The following SNX8 variants were observed in gnomAD, a reference collection of about 807,000 sequenced individuals.
The protein encoded by SNX8 is sorting nexin-8.
Under a neutral mutation model 51.6 loss-of-function variants are expected in SNX8, and 25 were observed. The observed-to-expected ratio is 0.48, with a 90% CI of 0.35 to 0.68. SNX8 has a LOEUF of 0.68. SNX8 is among the 30% of genes least tolerant of loss of function. The pLI is 0.00. For missense variants in SNX8, 695 were observed against 624.0 expected, an observed-to-expected ratio of 1.11 and a Z score of -1.21; for synonymous variants, 324 against 277.0, an observed-to-expected ratio of 1.17 and a Z score of -1.68.
At chr7:2,295,377 C>T (rs1230249134) in intron 1 of SNX8, among the ~76,000 whole-genome samples, 2 of 138,024 alleles carry the variant, frequency 1.4e-5, no homozygotes, top group African/African-American at 2.7e-5. Context: ...GCACCCAGCC[C>T]GGGTAACAGA....
chr7:2,312,597 C>A (rs551692880), intron 1 of SNX8, among the ~76,000 whole-genome samples: 13 of 152,260 alleles, frequency 8.5e-5, no homozygotes, highest in Non-Finnish European at 1.8e-4. Flanking sequence ...GTCTTCACAT[C>A]GAGGATGCCC....
chr7:2,319,432 G>A (rs1449510733), upstream of SNX8, among the ~76,000 whole-genome samples: 13 of 152,152 alleles, frequency 8.5e-5, no homozygotes, highest in African/African-American at 2.7e-4. Flanking sequence ...GGCAGAGGTG[G>A]GCGCATCACC....
intron 1 of SNX8, among the ~76,000 whole-genome samples, chr7:2,353,278 G>A (rs1054912150): frequency 6.6e-6 from 1 of 152,054 alleles, no homozygotes; most frequent in African/African-American, 2.4e-5. Context: ...TGGCACTTTG[G>A]GAGGCTGAGG....
upstream of SNX8, among the ~76,000 whole-genome samples, chr7:2,316,103 CCACT>C (rs1202084234): frequency 6.2e-4 from 85 of 138,118 alleles, no homozygotes; most frequent in African/African-American, 1.2e-3. Flanking sequence ...ATTCATTCAC[CCACT>C]CACTCACTCA....
upstream of SNX8, among the ~76,000 whole-genome samples, chr7:2,317,473 C>T (rs1796775743): frequency 3.3e-5 from 5 of 151,428 alleles, no homozygotes; most frequent in South Asian, 2.1e-4. Flanking sequence ...GATGGGTTTT[C>T]ACCATGTTGG....
At chr7:2,258,779 T>C (rs1795262700) in intron 7 of SNX8, among the ~76,000 whole-genome samples, 1 of 152,054 alleles carries the variant, frequency 6.6e-6, no homozygotes, top group South Asian at 2.1e-4. Context: ...CACAGGCTCC[T>C]CTTCGGCCCT....
At chr7:2,304,413 G>A (rs879887315) in intron 1 of SNX8, among the ~76,000 whole-genome samples, 26 of 151,558 alleles carry the variant, frequency 1.7e-4, no homozygotes, top group East Asian at 1.2e-3. Flanking sequence ...GCGTGGTGGC[G>A]GGCGCCTGTA....
intron 4 of SNX8, 34 bp from the exon 5 acceptor site, chr7:2,269,673 C>CT (rs777420976): frequency 8.1e-6 from 12 of 1,474,630 alleles, no homozygotes; most frequent in Admixed American, 4.1e-5. Context: ...TCACCCTCTT[C>CT]TACTAGCAGC....
rs183309920 is a variant in SNX8 at position 2,296,697 on chromosome 7, G to A, written c.94+17631C>T. ...TGTAATCCCAGCACTTTGGGAGGCC[G>A]AGGCGGGTGGATCACCTGAGGTCAG... On this transcript the variant is annotated intron_variant, in intron 1 of 10. Coordinates refer to ENST00000222990, the MANE Select transcript of SNX8 (RefSeq NM_013321.4). Among the ~76,000 whole-genome samples, 352 of 151,982 alleles carry A rather than the reference G, an allele frequency of 2.3e-3. 3 individuals carry two copies. Among genetic ancestry groups the A allele is most frequent in the South Asian group, 0.018 (89 of 4,818 alleles).
chr7:2,299,153 AGG>A (rs1796337314), intron 1 of SNX8, among the ~76,000 whole-genome samples: 1 of 152,014 alleles, frequency 6.6e-6, no homozygotes, highest in South Asian at 2.1e-4. Flanking sequence ...ACCACGCCTG[AGG>A]TTCCGTGGAT....
chr7:2,308,858 A>G (rs1057421623), intron 1 of SNX8, among the ~76,000 whole-genome samples: 2 of 144,516 alleles, frequency 1.4e-5, no homozygotes, highest in African/African-American at 5.2e-5. Context: ...TCGGCTCACT[A>G]CAACCTCTAC....
chr7:2,264,821 G>A (rs1795426788), intron 5 of SNX8, among the ~76,000 whole-genome samples: 2 of 151,938 alleles, frequency 1.3e-5, no homozygotes, highest in African/African-American at 2.4e-5. Flanking sequence ...GATCACCTCA[G>A]GTCAGGAGTT....
intron 1 of SNX8, among the ~76,000 whole-genome samples, chr7:2,351,631 G>C (rs954132196): frequency 1.3e-5 from 2 of 151,878 alleles, no homozygotes; most frequent in African/African-American, 4.8e-5. Context: ...AGGAGAGTGA[G>C]ACCATCCTGA....
At chr7:2,350,993 C>G (rs1428314101) in intron 1 of SNX8, among the ~76,000 whole-genome samples, 1 of 152,130 alleles carries the variant, frequency 6.6e-6, no homozygotes, top group African/African-American at 2.4e-5. Flanking sequence ...GTGGTGCACG[C>G]CTATAGTCTC....
intron 1 of SNX8, among the ~76,000 whole-genome samples, chr7:2,291,757 T>C (rs533264390): frequency 2.0e-5 from 3 of 152,216 alleles, no homozygotes; most frequent in Non-Finnish European, 2.9e-5. Context: ...GTTAAGGGTC[T>C]ATCAGTCCTT....
At chr7:2,351,687 C>T (rs373498720) in intron 1 of SNX8, among the ~76,000 whole-genome samples, 6 of 151,506 alleles carry the variant, frequency 4.0e-5, no homozygotes, top group Non-Finnish European at 7.4e-5. Flanking sequence ...AAAAATTAGC[C>T]GGGTGTGGTG....
intron 1 of SNX8, among the ~76,000 whole-genome samples, chr7:2,341,903 T>G (rs1349635735): frequency 6.6e-6 from 1 of 151,530 alleles, no homozygotes; most frequent in Non-Finnish European, 1.5e-5. Flanking sequence ...AACCCAGGAG[T>G]TGGAGGTTGC....
Position 2,332,743 on chromosome 7 carries a change from A to AAAGGAAGGAAGG in SNX8, c.-66+21467_-66+21478dup, listed in dbSNP as rs57859551. Among the ~76,000 whole-genome samples, 279 of 140,378 alleles carry AAAGGAAGGAAGG rather than the reference A, an allele frequency of 2.0e-3. 1 individual carries two copies. The highest frequency in any genetic ancestry group is 7.3e-3 in the African/African-American group (273 of 37,304). The allele number at this position is 140,378 out of a possible 152,430, so 92.1% of individuals were successfully genotyped here. A position where few individuals can be genotyped will look rare whatever the true frequency, so the allele number is the denominator to read the frequency against. On this transcript the variant is annotated intron_variant, in intron 1 of 5. Coordinates refer to the SNX8 transcript ENST00000435336. ...CCAGTGAGAGAGAGAGAGAGAGAGA[A>AAAGGAAGGAAGG]AAGGAAGGAAGGAAGGAAGGAAGGA...
chr7:2,259,196 G>A (rs575842276), intron 7 of SNX8, among the ~76,000 whole-genome samples: 5 of 152,254 alleles, frequency 3.3e-5, no homozygotes, highest in African/African-American at 1.2e-4. Flanking sequence ...ATCCACCCCT[G>A]ACCTGCACAG....
Sources: gnomAD v4.1 joint callset for allele counts (sites outside exome capture counted in the v4.1 genomes callset) on GRCh38, gnomAD v4.1.1 for gene constraint, MANE v1.5 for transcripts, NCBI Gene and HGNC (gene_info 2026-07-23, HGNC 2026-07-21) for gene names.